Variants in PEAR1 observed in about 807,000 individuals in gnomAD.
PEAR1 encodes multiple EGF-like domains protein 12.
In PEAR1, 113 loss-of-function variants were observed where a neutral mutation model predicts 131.2. The observed-to-expected ratio is 0.86, with a 90% CI of 0.74 to 1.01. PEAR1 has a LOEUF of 1.01. Ranked by LOEUF, PEAR1 falls within the 50% of genes least tolerant of loss-of-function variation. The probability of loss-of-function intolerance (pLI) is 0.00; values close to 1 mark genes in which losing one functional copy is unlikely to be tolerated. For synonymous variants in PEAR1, 565 were observed against 523.3 expected (o/e 1.08, Z -1.09); for missense variants, 1,408 against 1,391.1 (o/e 1.01, Z -0.19).
chr1:156,912,008 C>G (rs540157771), intron 15 of PEAR1, among the ~76,000 whole-genome samples: 2 of 152,276 alleles, frequency 1.3e-5, no homozygotes, highest in Admixed American at 1.3e-4. Flanking sequence ...TTTGAAGTGG[C>G]TATTAGATAG....
intron 1 of PEAR1, among the ~76,000 whole-genome samples, chr1:156,899,341 C>A (rs977686546): frequency 6.6e-6 from 1 of 151,852 alleles, no homozygotes; most frequent in African/African-American, 2.4e-5. Flanking sequence ...GGTGCTTAGG[C>A]CCAGGGCTGG....
intron 11 of PEAR1, 94 bp downstream of exon 11, chr1:156,909,130 G>A: frequency 6.5e-7 from 1 of 1,540,834 alleles, no homozygotes; most frequent in Non-Finnish European, 8.8e-7. Flanking sequence ...GGGCAGGGGA[G>A]CGGCTGCAGG....
Position 156,905,109 on chromosome 1 carries a change from T to C in PEAR1, c.207-215T>C, listed in dbSNP as rs1570954696. ...GGGGGGGGGCAAGAAGGGAATGCTCTTTCTTTTTTTAATAGACAAGGTCTC... is the reference window on the plus strand; with the variant it reads ...GGGGGGGGGCAAGAAGGGAATGCTCCTTCTTTTTTTAATAGACAAGGTCTC... On this transcript the variant is annotated intron_variant, in intron 3 of 22. Transcript: ENST00000292357. The C allele has an allele frequency of 2.3e-6, 3 of 1,290,784 alleles. No individual in the cohort carries two copies. In the East Asian group the frequency reaches 7.6e-5, roughly 33 times the overall value. 80.0% of individuals were successfully genotyped at this position (1,290,784 alleles called of 1,614,324 possible).
At position 156,905,568 on chromosome 1, in the gene PEAR1, G is replaced by A. The variant is rs114890085; in HGVS notation, c.307+144G>A. The A allele has an allele frequency of 3.3e-3, 2,257 of 692,498 alleles. 46 individuals carry two copies. In the African/African-American group the frequency reaches 0.037, roughly 11 times the overall value. 42.9% of individuals were successfully genotyped at this position (692,498 alleles called of 1,614,324 possible). A position where few individuals can be genotyped will look rare whatever the true frequency, so the allele number is the denominator to read the frequency against. On this transcript the variant is annotated intron_variant, in intron 4 of 22. Transcript: ENST00000292357. ...GTTCCCCCCTCCTCTCCTCTCCCTG[G>A]CCTTGTCCCCAGGATGGGGATCAGC...
Position 156,908,964 on chromosome 1 carries a change from T to A in PEAR1, c.1339T>A (p.Cys447Ser). The change falls in exon 11 of 23, where the codon TGT becomes AGT. Residue 447 changes from cysteine to serine, a missense_variant. Coordinates refer to ENST00000292357, the MANE Select transcript of PEAR1 (RefSeq NM_001080471.3). This position sits in a 1 kb window ranked among gnomAD's most constrained non-coding sequence, Gnocchi z 4.2. ...LCPPDTYGVN[C>S]SARCSCENAI... ...TCCTCCTGACACCTACGGTGTCAAC[T>A]GTTCTGCACGCTGCTCATGTGAAAA... 6.2e-7 allele frequency: 1 copy of A among 1,614,016 alleles called. No homozygotes were observed. Among genetic ancestry groups the A allele is most frequent in the Non-Finnish European group, 8.5e-7 (1 of 1,179,934 alleles).
chr1:156,912,821 C>T lies in PEAR1; in HGVS notation c.2261C>T (p.Ser754Leu), dbSNP rs759936557. 8 of 1,614,100 alleles carry T rather than the reference C, an allele frequency of 5.0e-6. No homozygotes were observed. The highest frequency in any genetic ancestry group is 4.0e-5 in the African/African-American group (3 of 74,944). The change falls in exon 18 of 23, where the codon TCG becomes TTG. Residue 754 changes from serine to leucine, a missense_variant. By Grantham distance (145) the Ser-to-Leu change is moderately radical. Coordinates refer to ENST00000292357, the MANE Select transcript of PEAR1 (RefSeq NM_001080471.3). ...VMPTTPVAYN[S>L]LGAVIGIAVL... ...CCGACCACTCCAGTAGCGTATAACT[C>T]GCTGGGTGCAGTGATTGGCATTGCA...
chr1:156,897,976 G>A (rs561981524), intron 1 of PEAR1, among the ~76,000 whole-genome samples: 2 of 152,242 alleles, frequency 1.3e-5, no homozygotes, highest in African/African-American at 4.8e-5. Context: ...GGTAATCTCG[G>A]GGTGGCGATG....
In PEAR1 at chr1:156,904,045, G is replaced by C; in HGVS notation, c.101+18G>C. On this transcript the variant is annotated intron_variant, in intron 2 of 22. Coordinates refer to ENST00000292357, the MANE Select transcript of PEAR1 (RefSeq NM_001080471.3). ...TGGGAAAGGTGAGAGGGCCCCTGCT[G>C]CACCTTGAGGGCACCAAGCCCTAGC... 1 of 1,597,264 alleles carries C rather than the reference G, an allele frequency of 6.3e-7. No homozygotes were observed. The highest frequency in any genetic ancestry group is 8.6e-7 in the Non-Finnish European group (1 of 1,165,030).
chr1:156,897,852 G>A (rs1214292549), intron 1 of PEAR1, among the ~76,000 whole-genome samples: 2 of 152,166 alleles, frequency 1.3e-5, no homozygotes, highest in East Asian at 3.9e-4. Flanking sequence ...GAGCGCAGGG[G>A]TAGAGGTAAT....
In PEAR1 at chr1:156,911,220, CCTTT is replaced by C. The variant is rs774819741; in HGVS notation, c.1951+490_1951+493del. 5.1e-4 allele frequency among the ~76,000 whole-genome samples: 54 copies of C among 106,774 alleles called. 1 individual carries two copies. The highest frequency in any genetic ancestry group is 8.9e-4 in the Admixed American group (9 of 10,110). 70.0% of individuals were successfully genotyped at this position (106,774 alleles called of 152,430 possible). A position where few individuals can be genotyped will look rare whatever the true frequency, so the allele number is the denominator to read the frequency against. On this transcript the variant is annotated intron_variant, in intron 15 of 22. Transcript: ENST00000292357. ...CTTTCTTTTCTTTCTTTCTTTCTTTCCTTTCTTTCTTTCTTTTCTTTCTTCTTTC... is the reference window on the plus strand; with the variant it reads ...CTTTCTTTTCTTTCTTTCTTTCTTTCCTTTCTTTCTTTTCTTTCTTCTTTC...
intron 1 of PEAR1, among the ~76,000 whole-genome samples, chr1:156,895,919 A>AT (rs61166557): frequency 0.017 from 2,535 of 149,360 alleles, 26 homozygotes; most frequent in African/African-American, 0.028. Context: ...CATCCCTACA[A>AT]TTTTTTTTTT....
At position 156,914,854 on chromosome 1, in the gene PEAR1, G is replaced by A. The variant is rs973345441; in HGVS notation, c.*56G>A. On this transcript the variant is annotated 3_prime_UTR_variant, in exon 23 of 23. Coordinates refer to ENST00000292357, the MANE Select transcript of PEAR1 (RefSeq NM_001080471.3). Reference sequence around the variant, plus strand: ...CACCTGGCTGTTGCTGCTCAAGGCTGGGGACAGAGCCTAGTGTACCCCTGC... The same window carrying A: ...CACCTGGCTGTTGCTGCTCAAGGCTAGGGACAGAGCCTAGTGTACCCCTGC... 1.3e-6 allele frequency: 2 copies of A among 1,593,786 alleles called. No individual in the cohort carries two copies. The highest frequency in any genetic ancestry group is 2.3e-5 in the East Asian group (1 of 44,352).
Position 156,908,727 on chromosome 1 carries a change from G to C in PEAR1, c.1188G>C (p.Pro396=), listed in dbSNP as rs774690576. The part of the protein sequence containing the change: ...WAGLHCNESC[P]QDTHGPGCQE... ...GCCTCCACTGCAACGAGAGCTGCCC[G>C]CAGGACACGCATGGGCCAGGGTGCC... The change falls in exon 10 of 23, where the codon CCG becomes CCC. Residue 396 remains proline (P), a synonymous_variant. Coordinates refer to ENST00000292357, the MANE Select transcript of PEAR1 (RefSeq NM_001080471.3). This position sits in a 1 kb window ranked among gnomAD's most constrained non-coding sequence, Gnocchi z 4.2. 14 of 1,555,194 alleles carry C rather than the reference G, an allele frequency of 9.0e-6. No individual in the cohort carries two copies. The Admixed American group carries it at 2.7e-4, about 30-fold the overall frequency.
chr1:156,909,653 A>C, intron 11 of PEAR1, 98 bp from the exon 12 acceptor site: 2 of 1,333,192 alleles, frequency 1.5e-6, no homozygotes, highest in Non-Finnish European at 2.1e-6. Flanking sequence ...CACCCACCCC[A>C]GCTCATAGCA....
In PEAR1 at chr1:156,902,648, G is replaced by T. The variant is rs973156981; in HGVS notation, c.-9-1270G>T. ...GCAGCAACATTCCAGAGATACTCAG[G>T]GGGGTAAGGGGCCAGCAACCGCGAC... On this transcript the variant is annotated intron_variant, in intron 1 of 22. Coordinates refer to ENST00000292357, the MANE Select transcript of PEAR1 (RefSeq NM_001080471.3). The surrounding 1 kb of genome is among the most constrained non-coding windows in gnomAD (Gnocchi z 4.3). 2.0e-5 allele frequency among the ~76,000 whole-genome samples: 3 copies of T among 152,064 alleles called. No individual in the cohort carries two copies. The highest frequency in any genetic ancestry group is 2.9e-5 in the Non-Finnish European group (2 of 68,002).
chr1:156,912,500 C>G lies in PEAR1; in HGVS notation c.2087C>G (p.Pro696Arg). Residue 696 changes from proline (P) to arginine (R), a missense_variant, in exon 17 of 23, where the codon CCT becomes CGT. Pro to Arg is a moderately radical substitution (Grantham distance 103, BLOSUM62 -2). Transcript: ENST00000292357. ...WTGHHCLEGC[P>R]LGTFGANCSQ... ...TCCTTGGCTGTCTCCCCAGGCTGCC[C>G]TCTGGGGACATTTGGTGCTAACTGC... is the stretch of plus-strand genomic sequence containing the variant. 6.2e-7 allele frequency: 1 copy of G among 1,613,314 alleles called. No homozygotes were observed. Among genetic ancestry groups the G allele is most frequent in the African/African-American group, 1.3e-5 (1 of 75,036 alleles).
chr1:156,899,111 G>T (rs1223894071), intron 1 of PEAR1, among the ~76,000 whole-genome samples: 18 of 152,188 alleles, frequency 1.2e-4, no homozygotes, highest in Admixed American at 1.2e-3. Flanking sequence ...TCCAACCTTT[G>T]CAGGGCCCTG....
Position 156,913,922 on chromosome 1 carries a change from C to G in PEAR1, c.2784C>G (p.Ile928Met). 1.2e-6 allele frequency: 2 copies of G among 1,614,084 alleles called. No homozygotes were observed. The highest frequency in any genetic ancestry group is 2.2e-5 in the South Asian group (2 of 91,082). ...SLSSENPYAT[I>M]RDLPSLPGGP... ...GCAGTGAGAACCCATATGCCACCAT[C>G]CGGGACCTGCCCAGCTTGCCAGGGG... is the stretch of plus-strand genomic sequence containing the variant. Residue 928 changes from isoleucine (I) to methionine (M), a missense_variant, in exon 22 of 23, where the codon ATC becomes ATG. Transcript: ENST00000292357.
Position 156,902,891 on chromosome 1 carries a change from C to T in PEAR1, c.-9-1027C>T, listed in dbSNP as rs1649831933. On this transcript the variant is annotated intron_variant, in intron 1 of 22. Coordinates refer to ENST00000292357, the MANE Select transcript of PEAR1 (RefSeq NM_001080471.3). The surrounding 1 kb of genome is among the most constrained non-coding windows in gnomAD (Gnocchi z 4.3). ...AGGGGTGGTGGGGATGGAGAGGACC[C>T]CATTTCCGAATGGCTGACAGGGCAG... is the stretch of plus-strand genomic sequence containing the variant. 2.0e-5 allele frequency among the ~76,000 whole-genome samples: 3 copies of T among 152,064 alleles called. No individual in the cohort carries two copies. The South Asian group carries it at 6.2e-4, about 32-fold the overall frequency.
Sources: allele counts gnomAD v4.1 joint callset (sites outside exome capture counted in the v4.1 genomes callset), GRCh38; gene constraint gnomAD v4.1.1; non-coding constraint Gnocchi (gnomAD v3.1); transcripts MANE v1.5; gene names NCBI Gene and HGNC (gene_info 2026-07-23, HGNC 2026-07-21).